The following HACD4 variants were observed in gnomAD, a reference collection of about 807,000 sequenced individuals.
The protein encoded by HACD4 is very-long-chain (3R)-3-hydroxyacyl-CoA dehydratase 4.
A neutral mutation model predicts 33.3 loss-of-function variants in HACD4; 35 were observed. The ratio of observed to expected loss-of-function variants is 1.05; its 90% CI spans 0.80 to 1.39. The LOEUF is 1.39. HACD4 is among the 40% of genes most tolerant of loss of function. HACD4 has a pLI of 0.00. For synonymous variants in HACD4, 118 were observed against 98.0 expected, an observed-to-expected ratio of 1.20 and a Z score of -1.21; for missense variants, 323 against 276.5, an observed-to-expected ratio of 1.17 and a Z score of -1.19.
intron 3 of HACD4, among the ~76,000 whole-genome samples, chr9:21,022,506 C>T (rs1254746347): frequency 1.3e-5 from 2 of 151,834 alleles, no homozygotes; most frequent in Non-Finnish European, 2.9e-5. Context: ...CCAGAATCTA[C>T]AAAGAACAAA....
intron 4 of HACD4, 47 bp downstream of exon 4, chr9:21,015,851 C>A: frequency 8.0e-7 from 1 of 1,246,048 alleles, no homozygotes; most frequent in Non-Finnish European, 1.2e-6. Context: ...GGTTTCACTG[C>A]AGAAAGCAAT....
chr9:21,021,443 C>T (rs1047095462), intron 3 of HACD4, among the ~76,000 whole-genome samples: 20 of 152,162 alleles, frequency 1.3e-4, no homozygotes, highest in Non-Finnish European at 2.9e-5. Flanking sequence ...CAAATTGTCT[C>T]TGTCTGCAGA....
At chr9:21,017,036 A>G (rs1842572719) in intron 3 of HACD4, among the ~76,000 whole-genome samples, 1 of 152,188 alleles carries the variant, frequency 6.6e-6, no homozygotes. Context: ...TGTTTTTAAT[A>G]AAATGTTTTA....
At chr9:21,017,352 A>G (rs1217046933) in intron 3 of HACD4, among the ~76,000 whole-genome samples, 1 of 152,198 alleles carries the variant, frequency 6.6e-6, no homozygotes, top group East Asian at 1.9e-4. Context: ...GGAATTATAT[A>G]TGATTCAAAC....
At chr9:21,009,772 C>T (rs1417170756) in intron 5 of HACD4, among the ~76,000 whole-genome samples, 5 of 152,174 alleles carry the variant, frequency 3.3e-5, no homozygotes, top group African/African-American at 4.8e-5. Context: ...TTCCTCCTAA[C>T]AAACTTTGTA....
intron 4 of HACD4, among the ~76,000 whole-genome samples, chr9:21,012,886 G>C (rs1233131819): frequency 6.6e-6 from 1 of 152,004 alleles, no homozygotes; most frequent in Admixed American, 6.5e-5. Context: ...GGCCAACGTG[G>C]CGAAACCCCA....
chr9:21,010,456 A>ATC (rs1353043927), intron 5 of HACD4, among the ~76,000 whole-genome samples: 4,934 of 103,488 alleles, frequency 0.048, 771 homozygotes, highest in African/African-American at 0.12. Context: ...ACATCCTGGT[A>ATC]CCCCCCCCCC....
At chr9:21,019,811 G>C (rs1817858063) in intron 3 of HACD4, among the ~76,000 whole-genome samples, 1 of 152,008 alleles carries the variant, frequency 6.6e-6, no homozygotes, top group Non-Finnish European at 1.5e-5. Flanking sequence ...AACAATATAA[G>C]CCTATTCCAA....
At chr9:21,024,587 A>G (rs1480759756) in intron 3 of HACD4, among the ~76,000 whole-genome samples, 1 of 152,240 alleles carries the variant, frequency 6.6e-6, no homozygotes, top group Non-Finnish European at 1.5e-5. Context: ...TCTAAGTTAT[A>G]TAATAATTTC....
rs1302551430 is a variant in HACD4 at position 21,002,980 on chromosome 9, GT to G, written c.*4056del. The G allele has an allele frequency of 6.6e-6, 1 of 152,096 alleles. No individual in the cohort carries two copies. The highest frequency in any genetic ancestry group is 2.4e-5 in the African/African-American group (1 of 41,414). 9.4% of individuals were successfully genotyped at this position (152,096 alleles called of 1,614,324 possible). On this transcript the variant is annotated 3_prime_UTR_variant, in exon 7 of 7. Transcript: ENST00000495827. The stretch of plus-strand genomic sequence containing the variant: ...CTGGGTTTCTTAACCTGGGGAACAT[GT>G]ACTTAAGTAGAAAAAGAAATTACAC...
intron 4 of HACD4, 166 bp downstream of exon 4, chr9:21,015,732 C>T: frequency 4.0e-6 from 2 of 498,888 alleles, no homozygotes. Flanking sequence ...TTTGATATGC[C>T]CATTATGGAG....
Position 21,003,344 on chromosome 9 carries a change from T to C in HACD4, c.*3693A>G, listed in dbSNP as rs1385227653. ...TCTAATTTTCTCTTTGTTTTAGTGATTGATTGTACATGTACTTCGGCAGTG... is the reference window on the plus strand; with the variant it reads ...TCTAATTTTCTCTTTGTTTTAGTGACTGATTGTACATGTACTTCGGCAGTG... On this transcript the variant is annotated 3_prime_UTR_variant, in exon 7 of 7. Transcript: ENST00000495827. The C allele has an allele frequency of 6.6e-6, 1 of 152,104 alleles. No homozygotes were observed. Among genetic ancestry groups the C allele is most frequent in the East Asian group, 1.9e-4 (1 of 5,204 alleles). 9.4% of individuals were successfully genotyped at this position (152,104 alleles called of 1,614,324 possible).
At chr9:21,009,734 C>T (rs1187392466) in intron 5 of HACD4, among the ~76,000 whole-genome samples, 8 of 152,138 alleles carry the variant, frequency 5.3e-5, no homozygotes, top group Admixed American at 5.2e-4. Context: ...CACAGTCACC[C>T]TGCTGTGCAC....
At chr9:21,026,467 A>G in intron 3 of HACD4, 129 bp downstream of exon 3, 1 of 736,454 alleles carries the variant, frequency 1.4e-6, no homozygotes, top group East Asian at 2.6e-5. Context: ...CTTCCATGAA[A>G]TTAATTCTCC....
At position 21,014,357 on chromosome 9, in the gene HACD4, C is replaced by G. The variant is rs80269354; in HGVS notation, c.383+1541G>C. 2.3e-3 allele frequency among the ~76,000 whole-genome samples: 347 copies of G among 152,260 alleles called. 9 individuals carry two copies. In the East Asian group the frequency reaches 0.044, roughly 19 times the overall value. On this transcript the variant is annotated intron_variant, in intron 4 of 6. Transcript: ENST00000495827. Reference sequence around the variant, plus strand: ...AGTGGATACACAGAAAGTGGTAAATCAATGCAATAGAATTTTACTCAGCCC... The same window carrying G: ...AGTGGATACACAGAAAGTGGTAAATGAATGCAATAGAATTTTACTCAGCCC...
At chr9:21,012,795 G>A (rs1194200521) in intron 4 of HACD4, among the ~76,000 whole-genome samples, 2 of 151,954 alleles carry the variant, frequency 1.3e-5, no homozygotes, top group East Asian at 3.9e-4. Context: ...AGCCGTGGTG[G>A]CTCACTCACT....
At chr9:21,009,387 A>T (rs1310055694) in intron 5 of HACD4, among the ~76,000 whole-genome samples, 1 of 152,156 alleles carries the variant, frequency 6.6e-6, no homozygotes, top group Non-Finnish European at 1.5e-5. Context: ...GTTGTATGGC[A>T]ACCATATAAG....
At chr9:21,029,562 G>C (rs533521607) in intron 1 of HACD4, among the ~76,000 whole-genome samples, 164 bp from the exon 2 acceptor site, 1 of 152,120 alleles carries the variant, frequency 6.6e-6, no homozygotes, top group Non-Finnish European at 1.5e-5. Context: ...ATTTTGAAGG[G>C]AGCCATAACC....
chr9:21,025,709 G>A (rs1284716998), intron 3 of HACD4, among the ~76,000 whole-genome samples: 1 of 152,088 alleles, frequency 6.6e-6, no homozygotes, highest in Non-Finnish European at 1.5e-5. Flanking sequence ...GTCACTACTA[G>A]TAAATTTCCC....
Sources: allele counts gnomAD v4.1 joint callset (sites outside exome capture counted in the v4.1 genomes callset), GRCh38; gene constraint gnomAD v4.1.1; transcripts MANE v1.5; gene names NCBI Gene and HGNC (gene_info 2026-07-23, HGNC 2026-07-21).